Variants in RAPGEF2 observed in about 807,000 individuals in gnomAD.
The protein encoded by RAPGEF2 is Rap guanine nucleotide exchange factor 2.
A neutral mutation model predicts 186.7 loss-of-function variants in RAPGEF2; 54 were observed. The observed-to-expected ratio is 0.29, with a 90% CI of 0.23 to 0.36. The LOEUF is 0.36. Ranked by LOEUF, RAPGEF2 falls within the 10% of genes least tolerant of loss-of-function variation. The probability of loss-of-function intolerance (pLI) is 1.00; values close to 1 mark genes in which losing one functional copy is unlikely to be tolerated. For missense variants in RAPGEF2, 1,532 were observed against 2,045.0 expected, an observed-to-expected ratio of 0.75 and a Z score of 4.84; for synonymous variants, 712 against 705.9, an observed-to-expected ratio of 1.01 and a Z score of -0.14.
At chr4:159,342,814 C>T (rs1264120777) in intron 20 of RAPGEF2, among the ~76,000 whole-genome samples, 165 bp from the exon 21 acceptor site, 1 of 151,912 alleles carries the variant, frequency 6.6e-6, no homozygotes, top group East Asian at 1.9e-4. Context: ...ACCCTACTTC[C>T]CTGTGCCATC....
chr4:159,232,470 T>G (rs1752755308), intron 4 of RAPGEF2, among the ~76,000 whole-genome samples: 1 of 152,210 alleles, frequency 6.6e-6, no homozygotes, highest in African/African-American at 2.4e-5. Context: ...TTCATTCCTT[T>G]ATATGGCTGA....
In RAPGEF2 at chr4:159,339,240, C is replaced by T. The variant is rs774001837; in HGVS notation, c.2420C>T (p.Thr807Ile). The T allele has an allele frequency of 1.2e-6, 2 of 1,614,060 alleles. No individual in the cohort carries two copies. The highest frequency in any genetic ancestry group is 8.5e-7 in the Non-Finnish European group (1 of 1,179,990). The change falls in exon 19 of 30, where the codon ACC becomes ATC. Residue 807 changes from threonine (T) to isoleucine (I), a missense_variant. By Grantham distance (89) the Thr-to-Ile change is moderately conservative. Around this residue, in one of 4 missense-constraint regions of RAPGEF2, gnomAD observed 810 missense variants for 1,210.5 expected, o/e 0.67. Transcript: ENST00000691494. ...ATCAGGGAGTTTGCTGTTACTGCCACCCCGGATCAATATTCACTATGTGAG... is the reference window on the plus strand; with the variant it reads ...ATCAGGGAGTTTGCTGTTACTGCCATCCCGGATCAATATTCACTATGTGAG... ...QAIREFAVTA[T>I]PDQYSLCEVS...
At chr4:159,124,769 T>C (rs1347866939) in intron 1 of RAPGEF2, among the ~76,000 whole-genome samples, 1 of 152,230 alleles carries the variant, frequency 6.6e-6, no homozygotes, top group Non-Finnish European at 1.5e-5. Flanking sequence ...AAAGTATCTG[T>C]TGATGATCTT....
intron 1 of RAPGEF2, among the ~76,000 whole-genome samples, chr4:159,106,280 C>T (rs1265147146): frequency 1.3e-5 from 2 of 152,154 alleles, no homozygotes; most frequent in Admixed American, 1.3e-4. Context: ...CTTTGATGTT[C>T]GTTTGGTTAT....
intron 4 of RAPGEF2, among the ~76,000 whole-genome samples, chr4:159,219,859 A>G (rs930989776): frequency 6.6e-6 from 1 of 152,198 alleles, no homozygotes; most frequent in Admixed American, 6.5e-5. Context: ...GCAATGTTTG[A>G]TATGCGTATA....
At chr4:159,104,544 G>GAT (rs1737638121) in intron 1 of RAPGEF2, among the ~76,000 whole-genome samples, 1 of 132,574 alleles carries the variant, frequency 7.5e-6, no homozygotes, top group African/African-American at 3.1e-5. Flanking sequence ...CAGAGAGAGA[G>GAT]AGAGAGAGAG....
At chr4:159,115,302 C>T (rs2111076268) in intron 1 of RAPGEF2, among the ~76,000 whole-genome samples, 1 of 152,042 alleles carries the variant, frequency 6.6e-6, no homozygotes, top group South Asian at 2.1e-4. Flanking sequence ...TTACTATTTT[C>T]AATAATAAAG....
intron 4 of RAPGEF2, among the ~76,000 whole-genome samples, chr4:159,220,864 T>TA (rs1333721504): frequency 1.3e-5 from 2 of 152,172 alleles, no homozygotes; most frequent in East Asian, 1.9e-4. Context: ...ACTTGACCTT[T>TA]AAAAAAATCA....
intron 7 of RAPGEF2, among the ~76,000 whole-genome samples, chr4:159,274,409 C>T (rs956996341): frequency 2.0e-5 from 3 of 152,166 alleles, no homozygotes; most frequent in East Asian, 3.9e-4. Flanking sequence ...TGCTTATAAG[C>T]TTTTTTGAAA....
intron 1 of RAPGEF2, among the ~76,000 whole-genome samples, chr4:159,114,042 G>A (rs1205379636): frequency 2.0e-5 from 3 of 151,584 alleles, no homozygotes; most frequent in Non-Finnish European, 4.4e-5. Flanking sequence ...CTGCAGCCTC[G>A]TCCTGGGCTC....
chr4:159,268,169 C>CA (rs1279841384), intron 7 of RAPGEF2: 4 of 1,612,904 alleles, frequency 2.5e-6, no homozygotes, highest in Admixed American at 1.7e-5. Flanking sequence ...AAACCACTAG[C>CA]AATCCCAGCT....
At chr4:159,326,628 C>T (rs561427442) in intron 11 of RAPGEF2, 1 of 152,178 alleles carries the variant, frequency 6.6e-6, no homozygotes, top group Non-Finnish European at 1.5e-5. Context: ...TCCAGTTCTC[C>T]CACTTCAGTG....
intron 1 of RAPGEF2, among the ~76,000 whole-genome samples, chr4:159,160,905 A>G (rs1744642155): frequency 6.6e-6 from 1 of 152,202 alleles, no homozygotes; most frequent in Admixed American, 6.5e-5. Flanking sequence ...AGCTTTGTCT[A>G]TATTACATTT....
intron 8 of RAPGEF2, among the ~76,000 whole-genome samples, chr4:159,305,958 G>A (rs4690937): frequency 0.17 from 25,835 of 151,900 alleles, 2,370 homozygotes; most frequent in Admixed American, 0.24. Context: ...GTCAAAGATC[G>A]GTTGGCTGTA....
intron 1 of RAPGEF2, among the ~76,000 whole-genome samples, chr4:159,123,412 G>T (rs1343098201): frequency 6.6e-6 from 1 of 152,068 alleles, no homozygotes; most frequent in Non-Finnish European, 1.5e-5. Context: ...TGCCTTGGTG[G>T]TTACAAAAAT....
Position 159,277,331 on chromosome 4 carries a change from C to A in RAPGEF2, c.544-27011C>A, listed in dbSNP as rs184881970. ...CTTAATCCAGTCTATCATTGATGGA[C>A]ATTTGGGTTGGTTCCAAGTCTTTGC... is the stretch of plus-strand genomic sequence containing the variant. On this transcript the variant is annotated intron_variant, in intron 7 of 29. Coordinates refer to ENST00000691494, the MANE Select transcript of RAPGEF2 (RefSeq NM_001394067.2). 4.6e-5 allele frequency among the ~76,000 whole-genome samples: 7 copies of A among 152,278 alleles called. No individual in the cohort carries two copies. In the East Asian group the frequency reaches 1.3e-3, roughly 29 times the overall value.
chr4:159,209,916 A>G (rs1487108870), intron 3 of RAPGEF2, among the ~76,000 whole-genome samples: 3 of 152,250 alleles, frequency 2.0e-5, no homozygotes, highest in Non-Finnish European at 2.9e-5. Flanking sequence ...CATGCTTTAC[A>G]GCAGTAAAAA....
At chr4:159,268,197 C>T (rs375215696) in intron 7 of RAPGEF2, 292 of 1,605,308 alleles carry the variant, frequency 1.8e-4, no homozygotes, top group Non-Finnish European at 2.1e-4. Flanking sequence ...GAGTTATGGG[C>T]CAGCAGGAGA....
At chr4:159,168,367 T>C (rs1745550717) in intron 1 of RAPGEF2, among the ~76,000 whole-genome samples, 1 of 152,100 alleles carries the variant, frequency 6.6e-6, no homozygotes, top group Non-Finnish European at 1.5e-5. Flanking sequence ...ATGCGTGCAT[T>C]TGATAGCCAG....
Sources: gnomAD v4.1 joint callset for allele counts (sites outside exome capture counted in the v4.1 genomes callset) on GRCh38, gnomAD v4.1.1 for gene constraint, gnomAD v4.1.1 regional missense constraint, MANE v1.5 for transcripts, NCBI Gene and HGNC (gene_info 2026-07-23, HGNC 2026-07-21) for gene names.